Variants in GRIA4 observed in about 807,000 individuals in gnomAD.
The protein encoded by GRIA4 is glutamate receptor 4.
In GRIA4, 34 loss-of-function variants were observed where a neutral mutation model predicts 104.0. The observed-to-expected ratio is 0.33, with a 90% CI of 0.25 to 0.44. GRIA4 has a LOEUF of 0.44. Ranked by LOEUF, GRIA4 falls within the 20% of genes least tolerant of loss-of-function variation. GRIA4 has a pLI of 1.00. For missense variants in GRIA4, 750 were observed against 1,096.5 expected (o/e 0.68, Z 4.46); for synonymous variants, 386 against 381.9 (o/e 1.01, Z -0.13).
At chr11:105,690,059 C>T (rs1409803030) in intron 3 of GRIA4, among the ~76,000 whole-genome samples, 5 of 152,138 alleles carry the variant, frequency 3.3e-5, no homozygotes, top group African/African-American at 1.2e-4. Flanking sequence ...TGGCAGGATC[C>T]AAGAATCATT....
chr11:105,786,704 C>T (rs927405821), intron 4 of GRIA4, among the ~76,000 whole-genome samples: 2 of 152,046 alleles, frequency 1.3e-5, no homozygotes, highest in Non-Finnish European at 2.9e-5. Flanking sequence ...GGGTTTTTTG[C>T]TTCTTTGTAA....
At chr11:105,912,387 T>G in intron 10 of GRIA4, 1 of 963,754 alleles carries the variant, frequency 1.0e-6, no homozygotes, top group Non-Finnish European at 1.2e-6. Context: ...CTTTCCATCC[T>G]TGTTACTAAA....
intron 4 of GRIA4, among the ~76,000 whole-genome samples, chr11:105,759,492 A>C (rs1020483489): frequency 6.6e-6 from 1 of 152,170 alleles, no homozygotes; most frequent in Non-Finnish European, 1.5e-5. Flanking sequence ...CATATGTCAC[A>C]TTCTTAATTA....
intron 3 of GRIA4, among the ~76,000 whole-genome samples, chr11:105,680,858 G>A (rs748228848): frequency 2.0e-5 from 3 of 152,070 alleles, no homozygotes; most frequent in Non-Finnish European, 4.4e-5. Flanking sequence ...ACAATTACAA[G>A]TAACTCACCT....
In GRIA4 at chr11:105,859,041, TC is replaced by T. The variant is rs1945122510; in HGVS notation, c.488-2982del. ...TTTTCTAATACCTAGGAGATGCAAATCATAGCCAGATGTGGAAATAGTATGA... is the reference window on the plus strand; with the variant it reads ...TTTTCTAATACCTAGGAGATGCAAATATAGCCAGATGTGGAAATAGTATGA... On this transcript the variant is annotated intron_variant, in intron 4 of 16. Coordinates refer to ENST00000282499, the MANE Select transcript of GRIA4 (RefSeq NM_000829.4). Among the ~76,000 whole-genome samples, 2 of 152,118 alleles carry T rather than the reference TC, an allele frequency of 1.3e-5. 1 individual carries two copies. The highest frequency in any genetic ancestry group is 1.3e-4 in the Admixed American group (2 of 15,248).
intron 3 of GRIA4, among the ~76,000 whole-genome samples, chr11:105,749,323 C>T (rs754711262): frequency 2.0e-5 from 3 of 152,116 alleles, no homozygotes; most frequent in African/African-American, 4.8e-5. Context: ...AACTATATGG[C>T]TGTGAAACAG....
chr11:105,748,433 G>A (rs1939795684), intron 3 of GRIA4, among the ~76,000 whole-genome samples: 1 of 151,812 alleles, frequency 6.6e-6, no homozygotes, highest in Non-Finnish European at 1.5e-5. Context: ...AGGCTGGAGT[G>A]CAGTGGCCCG....
intron 10 of GRIA4, among the ~76,000 whole-genome samples, chr11:105,917,701 T>C (rs1437706425): frequency 1.3e-5 from 2 of 152,076 alleles, no homozygotes; most frequent in Non-Finnish European, 2.9e-5. Flanking sequence ...TCTCTCCATA[T>C]TATGTGTTCA....
At chr11:105,963,689 T>G (rs1329744662) in intron 14 of GRIA4, among the ~76,000 whole-genome samples, 2 of 152,118 alleles carry the variant, frequency 1.3e-5, no homozygotes, top group Admixed American at 6.5e-5. Flanking sequence ...ACATGGCCTA[T>G]TAGATGGTAT....
At chr11:105,690,811 C>T (rs1011375404) in intron 3 of GRIA4, among the ~76,000 whole-genome samples, 2 of 152,078 alleles carry the variant, frequency 1.3e-5, no homozygotes, top group Non-Finnish European at 2.9e-5. Flanking sequence ...TTTAAATTCA[C>T]ATTTCAGATT....
chr11:105,904,912 T>C (rs977231097), intron 8 of GRIA4, among the ~76,000 whole-genome samples: 1 of 152,172 alleles, frequency 6.6e-6, no homozygotes, highest in African/African-American at 2.4e-5. Flanking sequence ...ATAAAAATAC[T>C]TTACAATTGA....
rs1016962839 is a variant in GRIA4, at chr11:105,974,170, T to G, written c.2410-140T>G. On this transcript the variant is annotated intron_variant, in intron 15 of 16. Coordinates refer to ENST00000282499, the MANE Select transcript of GRIA4 (RefSeq NM_000829.4). ...AGATTTATGTTTAAGTCCATTAGCCTACATCAGTGACTTATACTTGTAAAT... is the reference window on the plus strand; with the variant it reads ...AGATTTATGTTTAAGTCCATTAGCCGACATCAGTGACTTATACTTGTAAAT... 7.7e-6 allele frequency: 6 copies of G among 781,732 alleles called. No individual in the cohort carries two copies. In the African/African-American group the frequency reaches 1.0e-4, roughly 14 times the overall value. 48.4% of individuals were successfully genotyped at this position (781,732 alleles called of 1,614,324 possible). A position where few individuals can be genotyped will look rare whatever the true frequency, so the allele number is the denominator to read the frequency against.
intron 9 of GRIA4, among the ~76,000 whole-genome samples, chr11:105,908,306 C>T (rs1947114484): frequency 6.6e-6 from 1 of 152,170 alleles, no homozygotes; most frequent in Non-Finnish European, 1.5e-5. Flanking sequence ...CATTACAAAA[C>T]CACTTTTCAC....
intron 4 of GRIA4, among the ~76,000 whole-genome samples, chr11:105,762,044 G>T (rs1325184859): frequency 5.7e-5 from 8 of 141,580 alleles, no homozygotes; most frequent in Non-Finnish European, 1.2e-4. Flanking sequence ...TTTTTTTTGA[G>T]ACGGAGTCTC....
chr11:105,789,296 A>G (rs1321274332), intron 4 of GRIA4, among the ~76,000 whole-genome samples: 1 of 152,184 alleles, frequency 6.6e-6, no homozygotes, highest in Admixed American at 6.5e-5. Flanking sequence ...TGCAATTATA[A>G]AAGACCACTG....
intron 8 of GRIA4, 138 bp downstream of exon 8, chr11:105,904,119 A>G: frequency 1.6e-6 from 1 of 623,270 alleles, no homozygotes; most frequent in Non-Finnish European, 2.7e-6. Context: ...CATTTTTGGA[A>G]CATTTCTACA....
intron 3 of GRIA4, among the ~76,000 whole-genome samples, chr11:105,688,581 T>A (rs1380252301): frequency 2.6e-5 from 4 of 151,744 alleles, no homozygotes; most frequent in African/African-American, 9.7e-5. Context: ...AATAAATAAA[T>A]AAAAATAAAA....
At chr11:105,752,501 G>T (rs529780820) in intron 3 of GRIA4, among the ~76,000 whole-genome samples, 3 of 152,168 alleles carry the variant, frequency 2.0e-5, no homozygotes, top group East Asian at 3.9e-4. Context: ...TCCAATTCAA[G>T]AATAGAAAAT....
chr11:105,628,540 G>C (rs577464096), intron 3 of GRIA4, among the ~76,000 whole-genome samples: 1 of 151,968 alleles, frequency 6.6e-6, no homozygotes, highest in South Asian at 2.1e-4. Context: ...CTCTTTGCTC[G>C]GCACTTCTCT....
Sources: allele counts gnomAD v4.1 joint callset (sites outside exome capture counted in the v4.1 genomes callset), GRCh38; gene constraint gnomAD v4.1.1; transcripts MANE v1.5; gene names NCBI Gene and HGNC (gene_info 2026-07-23, HGNC 2026-07-21).